ZNF585B: variants seen among roughly 807,000 people sequenced by gnomAD.
ZNF585B encodes the protein zinc finger protein 41-like protein.
Under a neutral mutation model 14.0 loss-of-function variants are expected in ZNF585B, and 7 were observed. The ratio of observed to expected loss-of-function variants is 0.50; its 90% CI spans 0.28 to 0.94. The LOEUF (loss-of-function observed/expected upper bound fraction) is 0.94, where lower values mean the gene tolerates loss of function less well. Among genes scored for constraint, ZNF585B ranks in the 40% least tolerant of loss-of-function variants. The pLI is 0.09. For missense variants in ZNF585B, 750 were observed against 924.4 expected, an observed-to-expected ratio of 0.81 and a Z score of 2.45; for synonymous variants, 290 against 317.3, an observed-to-expected ratio of 0.91 and a Z score of 0.91.
chr19:37,185,892 G>A lies in ZNF585B; in HGVS notation c.1645C>T (p.Gln549Ter). ...IHQKIHTGER[Q>*]YECHECGKAF... ...TTCCCACATTCGTGGCATTCATACT[G>A]TCTCTCTCCAGTGTGAATTTTCTGA... Residue 549 changes from glutamine to a stop codon, truncating the protein, a stop_gained, in exon 5 of 5, where the codon CAG becomes TAG. Transcript: ENST00000532828. LOFTEE classifies it low-confidence loss of function (END_TRUNC). 6.2e-7 allele frequency: 1 copy of A among 1,613,960 alleles called. No individual in the cohort carries two copies. The highest frequency in any genetic ancestry group is 8.5e-7 in the Non-Finnish European group (1 of 1,180,002).
intron 2 of ZNF585B, among the ~76,000 whole-genome samples, chr19:37,198,702 C>A (rs1488074264): frequency 6.7e-6 from 1 of 148,718 alleles, no homozygotes; most frequent in Non-Finnish European, 1.5e-5. Context: ...CGCCATTGCA[C>A]TTCAGCCCGG....
At chr19:37,200,418 C>T (rs1242321100) in intron 2 of ZNF585B, among the ~76,000 whole-genome samples, 16 of 151,386 alleles carry the variant, frequency 1.1e-4, no homozygotes, top group Admixed American at 4.6e-4. Flanking sequence ...GGCATGGTGG[C>T]GCGCGCCTGT....
chr19:37,200,505 G>A (rs370804137), intron 2 of ZNF585B, among the ~76,000 whole-genome samples: 6 of 144,782 alleles, frequency 4.1e-5, no homozygotes, highest in Admixed American at 7.0e-5. Flanking sequence ...AGCCGAGATC[G>A]TGCCACTACA....
intron 2 of ZNF585B, among the ~76,000 whole-genome samples, chr19:37,193,917 G>C (rs1972432382): frequency 6.6e-6 from 1 of 152,184 alleles, no homozygotes; most frequent in African/African-American, 2.4e-5. Flanking sequence ...TGCAAGCAAT[G>C]GGTATTAGAT....
chr19:37,187,627 CTT>C (rs952250507), intron 4 of ZNF585B, among the ~76,000 whole-genome samples: 8 of 149,486 alleles, frequency 5.4e-5, no homozygotes, highest in Admixed American at 1.3e-4. Context: ...GGAAAGAAGT[CTT>C]TTTTTTTTCC....
intron 2 of ZNF585B, among the ~76,000 whole-genome samples, chr19:37,193,049 C>A (rs889680876): frequency 6.6e-6 from 1 of 151,846 alleles, no homozygotes; most frequent in African/African-American, 2.4e-5. Context: ...GCAAGCGAAT[C>A]GCTTGAAGCC....
In ZNF585B at chr19:37,185,421, G is replaced by A. The variant is rs1371151146; in HGVS notation, c.2116C>T (p.Gln706Ter). ...GKSFTKKSQL[Q>*]VHQRIHTGEK... The stretch of plus-strand genomic sequence containing the variant: ...CCAGTGTGAATTCGCTGATGCACTT[G>A]GAGCTGTGATTTTTTAGTGAAAGAC... The change falls in exon 5 of 5, where the codon CAA (glutamine) becomes TAA (stop). Residue 706 changes from glutamine (Q) to a stop codon, truncating the protein, a stop_gained. Transcript: ENST00000532828. LOFTEE classifies it low-confidence loss of function (END_TRUNC). The A allele has an allele frequency of 3.7e-6, 6 of 1,613,440 alleles. No homozygotes were observed. The highest frequency in any genetic ancestry group is 5.1e-6 in the Non-Finnish European group (6 of 1,179,770).
Position 37,186,625 on chromosome 19 carries a change from G to T in ZNF585B, c.912C>A (p.Gly304=), listed in dbSNP as rs1199154585. 2 of 1,614,200 alleles carry T rather than the reference G, an allele frequency of 1.2e-6. No individual in the cohort carries two copies. Among genetic ancestry groups the T allele is most frequent in the Non-Finnish European group, 1.7e-6 (2 of 1,180,028 alleles). The change falls in exon 5 of 5, where the codon GGC becomes GGA. Residue 304 remains glycine (G), a synonymous_variant. Coordinates refer to ENST00000532828, the MANE Select transcript of ZNF585B (RefSeq NM_152279.4). ...GEKPYECNNC[G]KSFISKSQLQ... is the part of the protein sequence containing the mutation. ...GTTGTGACTTGGAAATGAAGGATTT[G>T]CCACAGTTATTGCATTCATATGGTT...
chr19:37,191,122 T>C (rs1344724427), intron 2 of ZNF585B, among the ~76,000 whole-genome samples: 1 of 151,836 alleles, frequency 6.6e-6, no homozygotes, highest in Non-Finnish European at 1.5e-5. Flanking sequence ...TTAACTAGGG[T>C]GTAACATTTG....
Position 37,186,019 on chromosome 19 carries a change from C to A in ZNF585B, c.1518G>T (p.Arg506Ser), listed in dbSNP as rs773453403. 39 of 1,613,888 alleles carry A rather than the reference C, an allele frequency of 2.4e-5. No homozygotes were observed. The African/African-American group carries it at 2.9e-4, about 12-fold the overall frequency. The change falls in exon 5 of 5, where the codon AGG becomes AGT. Residue 506 changes from arginine to serine, a missense_variant. Around this residue, in one of 2 missense-constraint regions of ZNF585B, gnomAD observed 233 missense variants for 354.1 expected, o/e 0.66. Coordinates refer to ENST00000532828, the MANE Select transcript of ZNF585B (RefSeq NM_152279.4). Reference protein sequence around the residue: ...CSKCGKAFTQRSDLITHQRIH... With the variant: ...CSKCGKAFTQSSDLITHQRIH... ...TTCTCTGATGTGTAATCAAGTCTGA[C>A]CTCTGGGTGAAGGCCTTTCCACATT...
intron 2 of ZNF585B, among the ~76,000 whole-genome samples, chr19:37,201,089 C>CAAAAA (rs34379718): frequency 1.9e-5 from 2 of 106,678 alleles, no homozygotes; most frequent in Admixed American, 1.0e-4. Context: ...GACTCCGTCT[C>CAAAAA]AAAAAAAAAA....
chr19:37,206,510 A>C (rs2145447272), intron 2 of ZNF585B, among the ~76,000 whole-genome samples: 1 of 152,260 alleles, frequency 6.6e-6, no homozygotes, highest in East Asian at 1.9e-4. Flanking sequence ...TAAAACATTA[A>C]GTTAAAATGT....
intron 2 of ZNF585B, among the ~76,000 whole-genome samples, chr19:37,206,400 G>A (rs1036102370): frequency 2.7e-5 from 4 of 150,650 alleles, no homozygotes; most frequent in Non-Finnish European, 5.9e-5. Context: ...GCAGTGAGCC[G>A]AGATCATGCC....
At position 37,207,096 on chromosome 19, in the gene ZNF585B, T is replaced by C. The variant is rs780687769; in HGVS notation, c.16A>G (p.Thr6Ala). 6 of 1,614,056 alleles carry C rather than the reference T, an allele frequency of 3.7e-6. No individual in the cohort carries two copies. Among genetic ancestry groups the C allele is most frequent in the Non-Finnish European group, 5.1e-6 (6 of 1,179,994 alleles). The change falls in exon 2 of 5, where the codon ACC becomes GCC. Residue 6 changes from threonine (T) to alanine (A), a missense_variant. Around this residue, in one of 2 missense-constraint regions of ZNF585B, gnomAD observed 517 missense variants for 570.3 expected, o/e 0.91. Transcript: ENST00000532828. ...AGGGCTGAGGATTTCTGGGGTGAGG[T>C]CCAACTAGCTGGCATGGCCACACTG... Reference protein sequence around the residue: MPASWTSPQKSSALAP... With the variant: MPASWASPQKSSALAP...
At chr19:37,201,532 A>G (rs541455858) in intron 2 of ZNF585B, among the ~76,000 whole-genome samples, 1 of 152,342 alleles carries the variant, frequency 6.6e-6, no homozygotes, top group Non-Finnish European at 1.5e-5. Flanking sequence ...TATATCCTGG[A>G]AACAGATTTC....
At chr19:37,195,554 G>T (rs1267697979) in intron 2 of ZNF585B, among the ~76,000 whole-genome samples, 1 of 151,608 alleles carries the variant, frequency 6.6e-6, no homozygotes, top group Non-Finnish European at 1.5e-5. Flanking sequence ...ACAGATTCAG[G>T]AACCATTAAA....
intron 2 of ZNF585B, among the ~76,000 whole-genome samples, chr19:37,206,180 A>G (rs1170151307): frequency 1.3e-5 from 2 of 151,022 alleles, no homozygotes; most frequent in Non-Finnish European, 3.0e-5. Context: ...GGCTGGGAAC[A>G]GTGGCTCATG....
chr19:37,184,409 A>G lies in ZNF585B; in HGVS notation c.*818T>C, dbSNP rs1568504779. ...GAAAGAAAGAAAGAAAGAAAGAAAG[A>G]AAGAAAGAGAAAGAAAGAAAAAGAA... On this transcript the variant is annotated 3_prime_UTR_variant, in exon 5 of 5. Transcript: ENST00000532828. The G allele has an allele frequency of 1.0e-4, 6 of 57,228 alleles. No individual in the cohort carries two copies. Among genetic ancestry groups the G allele is most frequent in the African/African-American group, 5.3e-4 (6 of 11,246 alleles). The allele number at this position is 57,228 out of a possible 1,614,324, so 3.5% of individuals were successfully genotyped here. A position where few individuals can be genotyped will look rare whatever the true frequency, so the allele number is the denominator to read the frequency against.
intron 4 of ZNF585B, among the ~76,000 whole-genome samples, chr19:37,188,979 C>T (rs1458601830): frequency 2.0e-5 from 3 of 151,510 alleles, no homozygotes; most frequent in African/African-American, 7.3e-5. Context: ...GCTCTGTCAC[C>T]CAGGCTGGAG....
Sources: allele counts gnomAD v4.1 joint callset (sites outside exome capture counted in the v4.1 genomes callset), GRCh38; gene constraint gnomAD v4.1.1; regional missense constraint gnomAD v4.1.1; transcripts MANE v1.5; gene names NCBI Gene and HGNC (gene_info 2026-07-23, HGNC 2026-07-21).